Variants in FHIT observed in about 807,000 individuals in gnomAD.
FHIT encodes the protein bis(5'-adenosyl)-triphosphatase.
FHIT carries 19 observed loss-of-function variants against 17.9 expected under a neutral mutation model. The observed-to-expected ratio is 1.06, with a 90% CI of 0.74 to 1.56. FHIT has a LOEUF of 1.56. FHIT is among the 40% of genes most tolerant of loss of function. FHIT has a pLI of 0.00. For missense variants in FHIT, 248 were observed against 189.2 expected, an observed-to-expected ratio of 1.31 and a Z score of -1.82; for synonymous variants, 81 against 69.7, an observed-to-expected ratio of 1.16 and a Z score of -0.81.
intron 3 of FHIT, among the ~76,000 whole-genome samples, chr3:60,825,044 C>A (rs1404743353): frequency 1.3e-5 from 2 of 152,148 alleles, no homozygotes; most frequent in African/African-American, 4.8e-5. Flanking sequence ...AAAAGACTGA[C>A]ACAATTCAGT....
chr3:60,383,372 A>T (rs1700884513), intron 5 of FHIT, among the ~76,000 whole-genome samples: 1 of 152,134 alleles, frequency 6.6e-6, no homozygotes, highest in South Asian at 2.1e-4. Context: ...GGGGTTATTA[A>T]CCAAGGGTCA....
intron 2 of FHIT, among the ~76,000 whole-genome samples, chr3:61,059,165 G>A (rs559850457): frequency 5.3e-5 from 8 of 152,204 alleles, no homozygotes; most frequent in African/African-American, 1.7e-4. Context: ...TTTTAAAATC[G>A]TCCATTTGAA....
intron 1 of FHIT, chr3:61,244,102 G>T (rs2040432520): frequency 1.3e-5 from 2 of 152,146 alleles, no homozygotes; most frequent in African/African-American, 4.8e-5. Flanking sequence ...CCACAATGCT[G>T]TGTTATTAGA....
intron 5 of FHIT, among the ~76,000 whole-genome samples, chr3:60,295,791 G>C (rs189053975): frequency 6.6e-6 from 1 of 152,266 alleles, no homozygotes; most frequent in East Asian, 1.9e-4. Context: ...CAGTTTAATA[G>C]AGAAAGGATA....
intron 2 of FHIT, among the ~76,000 whole-genome samples, chr3:61,088,616 T>C (rs1267379193): frequency 6.6e-6 from 1 of 152,142 alleles, no homozygotes; most frequent in African/African-American, 2.4e-5. Context: ...CAGGAGCCAA[T>C]GAAGGAACCT....
At chr3:60,555,946 A>C (rs2036724381) in intron 4 of FHIT, among the ~76,000 whole-genome samples, 1 of 152,222 alleles carries the variant, frequency 6.6e-6, no homozygotes, top group South Asian at 2.1e-4. Context: ...CACTGACTCA[A>C]AACAGCTTTC....
intron 4 of FHIT, among the ~76,000 whole-genome samples, chr3:60,723,075 C>G (rs1384900035): frequency 6.6e-6 from 1 of 152,128 alleles, no homozygotes; most frequent in African/African-American, 2.4e-5. Flanking sequence ...ATCCAGAGGG[C>G]AGACTCCCCT....
intron 8 of FHIT, among the ~76,000 whole-genome samples, chr3:59,753,264 G>C (rs1701017518): frequency 6.6e-6 from 1 of 152,092 alleles, no homozygotes; most frequent in African/African-American, 2.4e-5. Flanking sequence ...CAGGGAAACA[G>C]TAAAAAAGAG....
chr3:60,878,633 C>T (rs13088635), intron 3 of FHIT, among the ~76,000 whole-genome samples: 74,170 of 151,794 alleles, frequency 0.49, 20,012 homozygotes, highest in East Asian at 0.92. Context: ...AATGCTATCC[C>T]TCCCCCTGCC....
chr3:60,538,021 G>C (rs1253774814), intron 4 of FHIT, among the ~76,000 whole-genome samples: 1 of 152,120 alleles, frequency 6.6e-6, no homozygotes, highest in Non-Finnish European at 1.5e-5. Flanking sequence ...AAAATCCTTA[G>C]AAACTCCAAA....
chr3:61,012,857 C>T (rs1318175805), intron 3 of FHIT, among the ~76,000 whole-genome samples: 1 of 151,556 alleles, frequency 6.6e-6, no homozygotes, highest in Non-Finnish European at 1.5e-5. Flanking sequence ...TATGATGATG[C>T]ATAAAATATT....
intron 5 of FHIT, among the ~76,000 whole-genome samples, chr3:60,463,464 A>C (rs1197615136): frequency 6.6e-6 from 1 of 152,190 alleles, no homozygotes; most frequent in African/African-American, 2.4e-5. Flanking sequence ...AGTTGGCCCT[A>C]TTGGCCCTAA....
chr3:60,576,949 T>TACATACACACACACACACAC (rs1553657814), intron 4 of FHIT, among the ~76,000 whole-genome samples: 1 of 146,746 alleles, frequency 6.8e-6, no homozygotes, highest in East Asian at 2.0e-4. Flanking sequence ...TCCATTTGCA[T>TACATACACACACACACACAC]ACACACACAC....
chr3:60,235,292 G>A (rs184603006), intron 5 of FHIT, among the ~76,000 whole-genome samples: 8 of 150,260 alleles, frequency 5.3e-5, no homozygotes, highest in East Asian at 3.9e-4. Flanking sequence ...GTGCAATGGC[G>A]TGGTCTCGGC....
At chr3:61,004,707 G>C (rs540231560) in intron 3 of FHIT, among the ~76,000 whole-genome samples, 4 of 152,036 alleles carry the variant, frequency 2.6e-5, no homozygotes, top group East Asian at 3.9e-4. Flanking sequence ...TCTCCTGCTT[G>C]GGTCCCCCCA....
At chr3:61,036,922 G>GTTTTT (rs1360637156) in intron 3 of FHIT, among the ~76,000 whole-genome samples, 1 of 96,342 alleles carries the variant, frequency 1.0e-5, no homozygotes, top group African/African-American at 4.0e-5. Context: ...TTGTTTGTTT[G>GTTTTT]TTTTTTTGAG....
At chr3:60,194,694 A>G (rs1443901138) in intron 5 of FHIT, among the ~76,000 whole-genome samples, 2 of 152,210 alleles carry the variant, frequency 1.3e-5, no homozygotes, top group Non-Finnish European at 2.9e-5. Flanking sequence ...CTGACAAAGG[A>G]CTAATATCCA....
intron 5 of FHIT, among the ~76,000 whole-genome samples, chr3:60,486,142 C>A (rs910658315): frequency 2.0e-5 from 3 of 152,062 alleles, no homozygotes; most frequent in African/African-American, 7.2e-5. Flanking sequence ...GAAAAAGACA[C>A]CATTTCCTCA....
chr3:61,214,842 GC>G (rs1314534398), intron 1 of FHIT, among the ~76,000 whole-genome samples: 1 of 152,186 alleles, frequency 6.6e-6, no homozygotes, highest in African/African-American at 2.4e-5. Context: ...GGGATGCAAG[GC>G]TGGTCCAATG....
Sources: gnomAD v4.1 joint callset for allele counts (sites outside exome capture counted in the v4.1 genomes callset) on GRCh38, gnomAD v4.1.1 for gene constraint, MANE v1.5 for transcripts, NCBI Gene and HGNC (gene_info 2026-07-23, HGNC 2026-07-21) for gene names.